The following ZNF618 variants were observed in gnomAD, a reference collection of about 807,000 sequenced individuals.
The protein encoded by ZNF618 is zinc finger protein 618.
ZNF618 carries 34 observed loss-of-function variants against 103.0 expected under a neutral mutation model. The observed-to-expected ratio is 0.33, with a 90% CI of 0.25 to 0.44. ZNF618 has a LOEUF of 0.44. ZNF618 is among the 20% of genes least tolerant of loss of function. ZNF618 has a pLI of 1.00. For synonymous variants in ZNF618, 551 were observed against 542.2 expected (o/e 1.02, Z -0.23); for missense variants, 1,059 against 1,295.4 (o/e 0.82, Z 2.80).
intron 11 of ZNF618, among the ~76,000 whole-genome samples, chr9:114,031,977 C>T (rs996925555): frequency 3.3e-5 from 5 of 152,196 alleles, no homozygotes; most frequent in South Asian, 4.1e-4. Context: ...TGCAGGGTTT[C>T]CAGAGAGCAC....
At chr9:114,004,761 A>G (rs1333983509) in intron 6 of ZNF618, among the ~76,000 whole-genome samples, 1 of 152,226 alleles carries the variant, frequency 6.6e-6, no homozygotes, top group Non-Finnish European at 1.5e-5. Context: ...AAAGGGCCCA[A>G]CTGAGAAGAC....
intron 6 of ZNF618, among the ~76,000 whole-genome samples, chr9:114,006,466 C>T (rs1841765817): frequency 6.6e-6 from 1 of 152,220 alleles, no homozygotes; most frequent in African/African-American, 2.4e-5. Flanking sequence ...CGTGCCAGTG[C>T]AAACGTTAGA....
intron 1 of ZNF618, among the ~76,000 whole-genome samples, chr9:113,952,470 G>T (rs1464067577): frequency 6.6e-6 from 1 of 152,178 alleles, no homozygotes; most frequent in East Asian, 1.9e-4. Flanking sequence ...AACTCTGACT[G>T]TGACTCTGAA....
chr9:113,936,799 TG>T (rs372949487), intron 1 of ZNF618, among the ~76,000 whole-genome samples: 4 of 152,350 alleles, frequency 2.6e-5, no homozygotes, highest in African/African-American at 9.6e-5. Flanking sequence ...TTTTTAAAAA[TG>T]TGCTCTATTT....
At chr9:113,932,878 A>T (rs1390579392) in intron 1 of ZNF618, among the ~76,000 whole-genome samples, 1 of 152,162 alleles carries the variant, frequency 6.6e-6, no homozygotes, top group Non-Finnish European at 1.5e-5. Flanking sequence ...GCAGGCGAGC[A>T]GTGGTCAGGG....
At chr9:113,897,302 G>A (rs1233992563) in intron 1 of ZNF618, among the ~76,000 whole-genome samples, 1 of 152,058 alleles carries the variant, frequency 6.6e-6, no homozygotes, top group Non-Finnish European at 1.5e-5. Context: ...TTATCCTTCA[G>A]TACTCAAGAG....
chr9:114,010,303 A>C (rs75974354), intron 9 of ZNF618, among the ~76,000 whole-genome samples: 1 of 1,206 alleles, frequency 8.3e-4, no homozygotes. Context: ...CTCTGTCTCA[A>C]AAAAAAAAAA....
chr9:113,961,691 C>T (rs1447006059), intron 1 of ZNF618, among the ~76,000 whole-genome samples: 1 of 152,214 alleles, frequency 6.6e-6, no homozygotes, highest in Admixed American at 6.5e-5. Flanking sequence ...GAGGCAAGGA[C>T]TAATTAGAGA....
At chr9:113,974,060 AACAG>A (rs1356113079) in intron 2 of ZNF618, among the ~76,000 whole-genome samples, 9 of 152,246 alleles carry the variant, frequency 5.9e-5, no homozygotes, top group African/African-American at 2.2e-4. Flanking sequence ...CAGTGAATGA[AACAG>A]ACAGGAATCC....
intron 1 of ZNF618, among the ~76,000 whole-genome samples, chr9:113,967,876 A>G (rs918944632): frequency 2.0e-5 from 3 of 152,184 alleles, no homozygotes; most frequent in African/African-American, 7.2e-5. Context: ...ATGTAGGACT[A>G]GGTATCATGG....
intron 11 of ZNF618, among the ~76,000 whole-genome samples, chr9:114,031,480 C>T (rs1357207311): frequency 6.6e-6 from 1 of 152,216 alleles, no homozygotes; most frequent in Admixed American, 6.5e-5. Flanking sequence ...GCTTCCTTTC[C>T]CATTGTCCCC....
chr9:113,980,550 T>C (rs1339610600), intron 2 of ZNF618, among the ~76,000 whole-genome samples: 5 of 152,168 alleles, frequency 3.3e-5, no homozygotes, highest in Non-Finnish European at 7.3e-5. Flanking sequence ...AAAGACTCTC[T>C]TTAAAAAATG....
Position 114,056,535 on chromosome 9 carries a change from T to G in ZNF618, c.*6368T>G, listed in dbSNP as rs1564367645. Reference sequence around the variant, plus strand: ...TTAACAGTTAGAGAGGATCAGTTGCTTAAATGATTTCATGTCAGTGTTGTA... The same window carrying G: ...TTAACAGTTAGAGAGGATCAGTTGCGTAAATGATTTCATGTCAGTGTTGTA... On this transcript the variant is annotated 3_prime_UTR_variant, in exon 15 of 15. Coordinates refer to ENST00000374126, the MANE Select transcript of ZNF618 (RefSeq NM_001318042.2). 6.6e-6 allele frequency: 1 copy of G among 152,266 alleles called. No homozygotes were observed. The highest frequency in any genetic ancestry group is 1.5e-5 in the Non-Finnish European group (1 of 68,050). 9.4% of individuals were successfully genotyped at this position (152,266 alleles called of 1,614,324 possible). A position where few individuals can be genotyped will look rare whatever the true frequency, so the allele number is the denominator to read the frequency against.
chr9:113,967,693 G>T (rs814699), intron 1 of ZNF618, among the ~76,000 whole-genome samples: 1 of 152,044 alleles, frequency 6.6e-6, no homozygotes, highest in African/African-American at 2.4e-5. Flanking sequence ...CCTATGGTGA[G>T]GATTAAATGA....
At chr9:113,968,070 C>G (rs901569639) in intron 1 of ZNF618, among the ~76,000 whole-genome samples, 9 of 152,170 alleles carry the variant, frequency 5.9e-5, no homozygotes, top group African/African-American at 2.2e-4. Context: ...ATCCGCAATC[C>G]TGAAATTCAA....
At chr9:113,949,747 G>A (rs576860369) in intron 1 of ZNF618, among the ~76,000 whole-genome samples, 52 of 152,360 alleles carry the variant, frequency 3.4e-4, no homozygotes, top group Middle Eastern at 6.8e-3. Context: ...ATGTGTAAGT[G>A]TGTCACTGCC....
intron 1 of ZNF618, among the ~76,000 whole-genome samples, chr9:113,931,528 C>T (rs1833585520): frequency 1.3e-5 from 2 of 152,076 alleles, no homozygotes; most frequent in South Asian, 4.2e-4. Context: ...GGAATTTCAT[C>T]TTGGGAGTGA....
intron 1 of ZNF618, among the ~76,000 whole-genome samples, chr9:113,879,169 G>C (rs919511680): frequency 2.0e-5 from 3 of 151,932 alleles, no homozygotes; most frequent in Non-Finnish European, 4.4e-5. Flanking sequence ...GGGCTGGGGA[G>C]GGGTGGAGGG....
intron 5 of ZNF618, 49 bp downstream of exon 5, chr9:114,002,122 G>A (rs748459109): frequency 6.4e-6 from 10 of 1,561,668 alleles, no homozygotes; most frequent in Admixed American, 3.3e-5. Flanking sequence ...ACCTCCCACT[G>A]TCTGCCTGTT....
Sources: allele counts gnomAD v4.1 joint callset (sites outside exome capture counted in the v4.1 genomes callset), GRCh38; gene constraint gnomAD v4.1.1; transcripts MANE v1.5; gene names NCBI Gene and HGNC (gene_info 2026-07-23, HGNC 2026-07-21).